COL17A1: variants seen among roughly 807,000 people sequenced by gnomAD.
COL17A1 encodes collagen type XVII alpha 1 chain, also known as collagen alpha-1(XVII) chain.
A neutral mutation model predicts 218.4 loss-of-function variants in COL17A1; 181 were observed. The ratio of observed to expected loss-of-function variants is 0.83; its 90% CI spans 0.73 to 0.94. The LOEUF is 0.94. Ranked by LOEUF, COL17A1 falls within the 40% of genes least tolerant of loss-of-function variation. The probability of loss-of-function intolerance (pLI) is 0.00; values close to 1 mark genes in which losing one functional copy is unlikely to be tolerated. For synonymous variants in COL17A1, 721 were observed against 731.0 expected (o/e 0.99, Z 0.22); for missense variants, 1,924 against 1,945.9 (o/e 0.99, Z 0.21).
intron 53 of COL17A1, 115 bp downstream of exon 53, chr10:104,033,123 G>A: frequency 7.2e-6 from 11 of 1,524,204 alleles, no homozygotes; most frequent in Non-Finnish European, 9.8e-6. Flanking sequence ...GTCTAATTTT[G>A]AGCATCTCAA....
chr10:104,061,364 G>A (rs1334255693), intron 13 of COL17A1, 41 bp downstream of exon 13: 1 of 1,585,332 alleles, frequency 6.3e-7, no homozygotes, highest in Middle Eastern at 1.7e-4. Flanking sequence ...AATCCTCCCT[G>A]TGCACCAGCC....
At chr10:104,076,036 G>A (rs758233126) in intron 5 of COL17A1, among the ~76,000 whole-genome samples, 2 of 152,208 alleles carry the variant, frequency 1.3e-5, no homozygotes, top group Non-Finnish European at 2.9e-5. Flanking sequence ...ATTCGTCAAG[G>A]CATTCTACAC....
chr10:104,055,360 C>G lies in COL17A1; in HGVS notation c.1717+12G>C. On this transcript the variant is annotated intron_variant, in intron 19 of 55. Coordinates refer to ENST00000648076, the MANE Select transcript of COL17A1 (RefSeq NM_000494.4). ...AAATGAATCAGAGACAAGGTTCAAT[C>G]CATGGCAATACCTTTAGGGCCAGGG... 1 of 1,612,776 alleles carries G rather than the reference C, an allele frequency of 6.2e-7. No individual in the cohort carries two copies. The highest frequency in any genetic ancestry group is 8.5e-7 in the Non-Finnish European group (1 of 1,179,490).
intron 10 of COL17A1, among the ~76,000 whole-genome samples, chr10:104,064,139 T>C (rs1178941975): frequency 1.3e-5 from 2 of 152,194 alleles, no homozygotes; most frequent in Admixed American, 1.3e-4. Flanking sequence ...AAATGACTTA[T>C]TCAAGGCTCC....
intron 8 of COL17A1, 61 bp from the exon 9 acceptor site, chr10:104,070,630 A>C: frequency 6.2e-7 from 1 of 1,613,178 alleles, no homozygotes; most frequent in Non-Finnish European, 8.5e-7. Flanking sequence ...GTCCCTGTGC[A>C]ACTGGGGGGA....
rs1195468983 is a variant in COL17A1 at position 104,077,514 on chromosome 10, C to T, written c.110G>A (p.Ser37Asn). ...AGAGGCTGTTTTAGCATAGCCATTGCTGGTCCCGCCTTCTGCCAGGAACAA... is the reference window on the plus strand; with the variant it reads ...AGAGGCTGTTTTAGCATAGCCATTGTTGGTCCCGCCTTCTGCCAGGAACAA... ...LTSLPPKGGT[S>N]NGYAKTASLG... The change falls in exon 4 of 56, where the codon AGC (serine) becomes AAC (asparagine). Residue 37 changes from serine to asparagine, a missense_variant. Ser to Asn is a conservative substitution (Grantham distance 46). Coordinates refer to ENST00000648076, the MANE Select transcript of COL17A1 (RefSeq NM_000494.4). 1 of 1,611,912 alleles carries T rather than the reference C, an allele frequency of 6.2e-7. No individual in the cohort carries two copies. Among genetic ancestry groups the T allele is most frequent in the African/African-American group, 1.3e-5 (1 of 74,982 alleles).
rs752730632 is a variant in COL17A1 at position 104,055,372 on chromosome 10, C to A, written c.1717G>T (p.Gly573Cys). The A allele has an allele frequency of 6.2e-7, 1 of 1,612,808 alleles. No individual in the cohort carries two copies. ...GNLRGSPGPK[G>C]DMGSPGPKGD... is the part of the protein sequence containing the mutation. ...GACAAGGTTCAATCCATGGCAATACCTTTAGGGCCAGGGCTTCCTCGGAGA... is the reference window on the plus strand; with the variant it reads ...GACAAGGTTCAATCCATGGCAATACATTTAGGGCCAGGGCTTCCTCGGAGA... The change falls in exon 19 of 56, where the codon GGT becomes TGT. Residue 573 changes from glycine (G) to cysteine (C), a missense_variant and splice_region_variant. Coordinates refer to ENST00000648076, the MANE Select transcript of COL17A1 (RefSeq NM_000494.4).
intron 35 of COL17A1, 80 bp downstream of exon 35, chr10:104,043,421 A>G (rs2086378941): frequency 1.5e-6 from 2 of 1,328,670 alleles, no homozygotes; most frequent in African/African-American, 2.9e-5. Context: ...CCTGGGTTTC[A>G]GGATCTGAAG....
At chr10:104,035,929 T>G (rs1164681797) in intron 48 of COL17A1, among the ~76,000 whole-genome samples, 1 of 149,570 alleles carries the variant, frequency 6.7e-6, no homozygotes, top group African/African-American at 2.5e-5. Flanking sequence ...TGAGTGTGTG[T>G]GTATGGGAGT....
chr10:104,064,625 G>T lies in COL17A1; in HGVS notation c.608-29C>A, dbSNP rs746841375. 5.6e-6 allele frequency: 9 copies of T among 1,597,804 alleles called. 1 individual carries two copies. Among genetic ancestry groups the T allele is most frequent in the South Asian group, 1.1e-5 (1 of 89,282 alleles). ...GAAACAGACACATGCACACACCCCA[G>T]TGAGAGACAAATCAACACTCCCTGC... On this transcript the variant is annotated intron_variant, in intron 9 of 55. Transcript: ENST00000648076.
intron 1 of COL17A1, among the ~76,000 whole-genome samples, chr10:104,081,145 A>G (rs1467982879): frequency 3.3e-5 from 5 of 152,224 alleles, no homozygotes; most frequent in Non-Finnish European, 5.9e-5. Flanking sequence ...TTCATGCTTC[A>G]TTATTTAAGA....
chr10:104,056,016 G>C lies in COL17A1; in HGVS notation c.1466-13C>G, dbSNP rs375392449. 3 of 1,613,934 alleles carry C rather than the reference G, an allele frequency of 1.9e-6. No individual in the cohort carries two copies. The African/African-American group carries it at 4.0e-5, about 22-fold the overall frequency. On this transcript the variant is annotated splice_polypyrimidine_tract_variant and intron_variant, in intron 17 of 55. Coordinates refer to ENST00000648076, the MANE Select transcript of COL17A1 (RefSeq NM_000494.4). ...CTCACCTCCTCCGCTGCAACAAACA[G>C]ACACACACTGCGTCACTGAGGGCCC...
intron 1 of COL17A1, 61 bp from the exon 2 acceptor site, chr10:104,080,745 T>TC: frequency 6.5e-7 from 1 of 1,547,116 alleles, no homozygotes; most frequent in Non-Finnish European, 8.9e-7. Flanking sequence ...TAATTATAGG[T>TC]CCCCACTGTT....
chr10:104,048,246 C>T, intron 29 of COL17A1, 142 bp from the exon 30 acceptor site: 1 of 843,114 alleles, frequency 1.2e-6, no homozygotes, highest in Non-Finnish European at 2.1e-6. Context: ...CTGTCTGTCA[C>T]ACTCTCTGGA....
intron 9 of COL17A1, 56 bp from the exon 10 acceptor site, chr10:104,064,652 G>A: frequency 6.7e-7 from 1 of 1,490,490 alleles, no homozygotes; most frequent in Non-Finnish European, 9.3e-7. Context: ...ACTCCCTGCT[G>A]GGGAATCTAG....
rs1267742168 is a variant in COL17A1 at position 104,031,983 on chromosome 10, G to GAAGT, written c.*248_*251dup. The GAAGT allele has an allele frequency of 3.4e-6, 2 of 582,376 alleles. No individual in the cohort carries two copies. The highest frequency in any genetic ancestry group is 3.0e-5 in the Admixed American group (1 of 33,698). 36.1% of individuals were successfully genotyped at this position (582,376 alleles called of 1,614,324 possible). On this transcript the variant is annotated 3_prime_UTR_variant, in exon 56 of 56. Coordinates refer to ENST00000648076, the MANE Select transcript of COL17A1 (RefSeq NM_000494.4). ...AAGGAGTTCAGATCTAGATAGCAGA[G>GAAGT]AAGTAAGTCTCATTCTAAAACATTG...
chr10:104,079,287 G>A (rs1325885374), intron 2 of COL17A1, among the ~76,000 whole-genome samples: 1 of 152,104 alleles, frequency 6.6e-6, no homozygotes, highest in East Asian at 1.9e-4. Flanking sequence ...CTCCGTCTCT[G>A]GTGGGTATAC....
chr10:104,055,444 TCACACACA>T lies in COL17A1; in HGVS notation c.1688-51_1688-44del, dbSNP rs1554849247. 211 of 1,131,482 alleles carry T rather than the reference TCACACACA, an allele frequency of 1.9e-4. 4 individuals carry two copies. The African/African-American group carries it at 2.2e-3, about 12-fold the overall frequency. 70.1% of individuals were successfully genotyped at this position (1,131,482 alleles called of 1,614,324 possible). On this transcript the variant is annotated intron_variant, in intron 18 of 55. Coordinates refer to ENST00000648076, the MANE Select transcript of COL17A1 (RefSeq NM_000494.4). ...TCCTGAGTCAGCTTCACATCTCCTG[TCACACACA>T]CACACACACACACACACACACACAC...
rs752126233 is a variant in COL17A1 at position 104,034,101 on chromosome 10, T to C, written c.4000A>G (p.Arg1334Gly). 3.1e-6 allele frequency: 5 copies of C among 1,613,982 alleles called. 1 individual carries two copies. The highest frequency in any genetic ancestry group is 2.5e-6 in the Non-Finnish European group (3 of 1,180,014). ...CCGATGTCAGTGCCATAGGGACCCCTGTCTCCTGCAGCTTCACCAAAGGCA... is the reference window on the plus strand; with the variant it reads ...CCGATGTCAGTGCCATAGGGACCCCCGTCTCCTGCAGCTTCACCAAAGGCA... ...GGAFGEAAGD[R>G]GPYGTDIGPG... Residue 1334 changes from arginine to glycine, a missense_variant, in exon 52 of 56, where the codon AGG (arginine) becomes GGG (glycine). Arg to Gly is a moderately radical substitution (Grantham distance 125, BLOSUM62 -2). Coordinates refer to ENST00000648076, the MANE Select transcript of COL17A1 (RefSeq NM_000494.4).
Sources: allele counts gnomAD v4.1 joint callset (sites outside exome capture counted in the v4.1 genomes callset), GRCh38; gene constraint gnomAD v4.1.1; transcripts MANE v1.5; gene names NCBI Gene and HGNC (gene_info 2026-07-23, HGNC 2026-07-21).